KIRREL3: variants seen among roughly 807,000 people sequenced by gnomAD.
KIRREL3 encodes kin of IRRE-like protein 3.
A neutral mutation model predicts 89.7 loss-of-function variants in KIRREL3; 36 were observed. That is an observed-to-expected ratio of 0.40 (90% CI 0.31 to 0.53). KIRREL3 has a LOEUF of 0.53. Among genes scored for constraint, KIRREL3 ranks in the 20% least tolerant of loss-of-function variants. KIRREL3 has a pLI of 0.49. For missense variants in KIRREL3, 864 were observed against 1,056.6 expected (o/e 0.82, Z 2.53); for synonymous variants, 445 against 441.4 (o/e 1.01, Z -0.10).
chr11:126,646,479 T>TTTTA (rs1427893787), intron 1 of KIRREL3, among the ~76,000 whole-genome samples: 1 of 150,296 alleles, frequency 6.7e-6, no homozygotes, highest in Non-Finnish European at 1.5e-5. Flanking sequence ...AAGTATTTTT[T>TTTTA]TTTTTTTTTT....
intron 1 of KIRREL3, chr11:126,937,158 A>G (rs1044616438): frequency 2.0e-5 from 3 of 152,214 alleles, no homozygotes; most frequent in Admixed American, 2.0e-4. Context: ...TCTCACTGGC[A>G]GAATGAAACA....
rs948053 is a variant in KIRREL3, at chr11:126,423,904, C to G, written c.*676G>C. 0.54 allele frequency: 82,291 copies of G among 152,710 alleles called. 22,245 individuals are homozygous for G. Among genetic ancestry groups the G allele is most frequent in the East Asian group, 0.75 (3,854 of 5,158 alleles). 9.5% of individuals were successfully genotyped at this position (152,710 alleles called of 1,614,324 possible). On this transcript the variant is annotated 3_prime_UTR_variant, in exon 17 of 17. Transcript: ENST00000525144. Reference sequence around the variant, plus strand: ...TCCCCCCAGTACACCAGGCTCTGACCGGACCGGTCCCACCGCAGAGTTCAG... The same window carrying G: ...TCCCCCCAGTACACCAGGCTCTGACGGGACCGGTCCCACCGCAGAGTTCAG...
chr11:126,625,345 G>A (rs1481361506), intron 1 of KIRREL3, among the ~76,000 whole-genome samples: 12 of 152,152 alleles, frequency 7.9e-5, no homozygotes, highest in Admixed American at 7.9e-4. Flanking sequence ...TATATGGCCT[G>A]AAACAAGCGA....
chr11:126,604,541 G>T (rs1182795725), intron 1 of KIRREL3, among the ~76,000 whole-genome samples: 1 of 152,230 alleles, frequency 6.6e-6, no homozygotes, highest in Non-Finnish European at 1.5e-5. Context: ...TTCGCAGTTA[G>T]TGTTAGTACA....
At position 126,676,167 on chromosome 11, in the gene KIRREL3, C is replaced by CTA. The variant is rs971973655; in HGVS notation, c.56-113256_56-113255insTA. ...GTAGGTCTAGAGCTCTGAAGAGAGA[C>CTA]TTCATTAGAGATTACAAGCAGGGGT... is the stretch of plus-strand genomic sequence containing the variant. On this transcript the variant is annotated intron_variant, in intron 1 of 16. Coordinates refer to ENST00000525144, the MANE Select transcript of KIRREL3 (RefSeq NM_032531.4). The surrounding 1 kb of genome is among the most constrained non-coding windows in gnomAD (Gnocchi z 4.5). Among the ~76,000 whole-genome samples the CTA allele has an allele frequency of 5.3e-5, 8 of 152,206 alleles. No individual in the cohort carries two copies. The highest frequency in any genetic ancestry group is 1.0e-4 in the Non-Finnish European group (7 of 68,016).
Position 126,991,544 on chromosome 11 carries a change from C to T in KIRREL3, c.55+8911G>A, listed in dbSNP as rs1016754683. 6.6e-6 allele frequency among the ~76,000 whole-genome samples: 1 copy of T among 152,130 alleles called. No individual in the cohort carries two copies. The highest frequency in any genetic ancestry group is 1.5e-5 in the Non-Finnish European group (1 of 68,034). Reference sequence around the variant, plus strand: ...TACTCAAGCAGTATGTCCTTAATTACTCTTCAGCCCCAAAGCCTGGCCTGT... The same window carrying T: ...TACTCAAGCAGTATGTCCTTAATTATTCTTCAGCCCCAAAGCCTGGCCTGT... On this transcript the variant is annotated intron_variant, in intron 1 of 16. Coordinates refer to ENST00000525144, the MANE Select transcript of KIRREL3 (RefSeq NM_032531.4). This position sits in a 1 kb window ranked among gnomAD's most constrained non-coding sequence, Gnocchi z 5.8.
chr11:126,449,958 G>A (rs138137763), intron 7 of KIRREL3, among the ~76,000 whole-genome samples: 7 of 152,356 alleles, frequency 4.6e-5, no homozygotes, highest in African/African-American at 1.7e-4. Flanking sequence ...CATCAGCACT[G>A]GCTTGGTGAG....
chr11:126,648,039 G>A (rs145128861), intron 1 of KIRREL3, among the ~76,000 whole-genome samples: 14 of 152,214 alleles, frequency 9.2e-5, no homozygotes, highest in African/African-American at 3.4e-4. Context: ...GGATCACAGG[G>A]GTGGATTTCC....
intron 4 of KIRREL3, among the ~76,000 whole-genome samples, chr11:126,514,831 A>G (rs1476002710): frequency 7.4e-6 from 1 of 135,078 alleles, no homozygotes. Flanking sequence ...ACACAACACA[A>G]CACAACACAA....
At chr11:126,914,891 G>T (rs753811290) in intron 1 of KIRREL3, among the ~76,000 whole-genome samples, 9 of 152,190 alleles carry the variant, frequency 5.9e-5, no homozygotes, top group Non-Finnish European at 1.0e-4. Context: ...CACAAGATTA[G>T]ACAATTAACA....
rs991442357 is a variant in KIRREL3, at chr11:126,837,043, G to A, written c.55+163412C>T. Among the ~76,000 whole-genome samples, 12 of 151,986 alleles carry A rather than the reference G, an allele frequency of 7.9e-5. No homozygotes were observed. Among genetic ancestry groups the A allele is most frequent in the Admixed American group, 2.6e-4 (4 of 15,258 alleles). On this transcript the variant is annotated intron_variant, in intron 1 of 16. Coordinates refer to ENST00000525144, the MANE Select transcript of KIRREL3 (RefSeq NM_032531.4). The surrounding 1 kb of genome is among the most constrained non-coding windows in gnomAD (Gnocchi z 4.7). ...TTTGTTAAGTATTTTTTTGGGGGGCGGGGGGTTGAATGAATGAACTAACAA... is the reference window on the plus strand; with the variant it reads ...TTTGTTAAGTATTTTTTTGGGGGGCAGGGGGTTGAATGAATGAACTAACAA...
rs1332695484 is a variant in KIRREL3 at position 126,455,880 on chromosome 11, CAG to C, written c.848+467_848+468del. 1.3e-5 allele frequency among the ~76,000 whole-genome samples: 2 copies of C among 151,944 alleles called. No homozygotes were observed. Among genetic ancestry groups the C allele is most frequent in the East Asian group, 1.9e-4 (1 of 5,140 alleles). ...ATCCGTGTTGTGAGCAAGAGACACA[CAG>C]GGGCCATGAGTAAGTGTGATCCCGG... On this transcript the variant is annotated intron_variant, in intron 7 of 16. Transcript: ENST00000525144. This position sits in a 1 kb window ranked among gnomAD's most constrained non-coding sequence, Gnocchi z 6.4.
At position 126,996,714 on chromosome 11, in the gene KIRREL3, G is replaced by C. The variant is rs901392621; in HGVS notation, c.55+3741C>G. ...TTCCAGCCAGGCAGGAGAGCAAGTGGGCTGCTTAGATTCTTCCCAGTAGGG... is the reference window on the plus strand; with the variant it reads ...TTCCAGCCAGGCAGGAGAGCAAGTGCGCTGCTTAGATTCTTCCCAGTAGGG... On this transcript the variant is annotated intron_variant, in intron 1 of 16. Coordinates refer to ENST00000525144, the MANE Select transcript of KIRREL3 (RefSeq NM_032531.4). This position sits in a 1 kb window ranked among gnomAD's most constrained non-coding sequence, Gnocchi z 4.7. Among the ~76,000 whole-genome samples the C allele has an allele frequency of 6.6e-6, 1 of 152,152 alleles. No homozygotes were observed. Among genetic ancestry groups the C allele is most frequent in the African/African-American group, 2.4e-5 (1 of 41,440 alleles).
At chr11:126,514,885 C>T (rs1055528892) in intron 4 of KIRREL3, among the ~76,000 whole-genome samples, 4 of 151,222 alleles carry the variant, frequency 2.6e-5, no homozygotes, top group Admixed American at 6.6e-5. Flanking sequence ...AATTGTCATC[C>T]GTGTTTGGGG....
intron 1 of KIRREL3, among the ~76,000 whole-genome samples, chr11:126,894,501 G>C (rs1047067335): frequency 8.3e-6 from 1 of 120,270 alleles, no homozygotes; most frequent in Admixed American, 1.1e-4. Context: ...TTGAGCCCAG[G>C]AGTTCGAGAC....
rs536299963 is a variant in KIRREL3, at chr11:126,434,064, C to T, written c.1588+1204G>A. Among the ~76,000 whole-genome samples, 40 of 152,354 alleles carry T rather than the reference C, an allele frequency of 2.6e-4. 1 individual carries two copies. The South Asian group carries it at 6.2e-3, about 24-fold the overall frequency. On this transcript the variant is annotated intron_variant, in intron 13 of 16. Transcript: ENST00000525144. Reference sequence around the variant, plus strand: ...GGGGGTCCTGTGGGGGCGAGTGCCCCGGGGTGCCATCTCTTCCCAGTCCCC... The same window carrying T: ...GGGGGTCCTGTGGGGGCGAGTGCCCTGGGGTGCCATCTCTTCCCAGTCCCC...
intron 2 of KIRREL3, among the ~76,000 whole-genome samples, chr11:126,533,184 G>C (rs559717314): frequency 6.6e-6 from 1 of 152,298 alleles, no homozygotes; most frequent in South Asian, 2.1e-4. Context: ...TCACTAAAGA[G>C]TCCTATGAGA....
At chr11:126,823,578 G>A (rs531769218) in intron 1 of KIRREL3, among the ~76,000 whole-genome samples, 9 of 152,288 alleles carry the variant, frequency 5.9e-5, no homozygotes, top group Non-Finnish European at 1.2e-4. Context: ...AGCCTGGATG[G>A]TCTCATTGGT....
At chr11:126,654,332 T>A (rs1002808140) in intron 1 of KIRREL3, among the ~76,000 whole-genome samples, 2 of 134,418 alleles carry the variant, frequency 1.5e-5, no homozygotes, top group Admixed American at 8.6e-5. Flanking sequence ...ATACCTAAAC[T>A]GAAAGTTTTT....
Sources: gnomAD v4.1 joint callset for allele counts (sites outside exome capture counted in the v4.1 genomes callset) on GRCh38, gnomAD v4.1.1 for gene constraint, Gnocchi (gnomAD v3.1) non-coding constraint, MANE v1.5 for transcripts, NCBI Gene and HGNC (gene_info 2026-07-23, HGNC 2026-07-21) for gene names.